GLS: variants seen among roughly 807,000 people sequenced by gnomAD.
The protein encoded by GLS is glutaminase.
In GLS, 36 loss-of-function variants were observed where a neutral mutation model predicts 86.7. The ratio of observed to expected loss-of-function variants is 0.42; its 90% CI spans 0.32 to 0.55. GLS has a LOEUF of 0.55. Ranked by LOEUF, GLS falls within the 20% of genes least tolerant of loss-of-function variation. The pLI is 0.17. For synonymous variants in GLS, 317 were observed against 305.9 expected (o/e 1.04, Z -0.38); for missense variants, 528 against 833.4 (o/e 0.63, Z 4.51).
chr2:190,901,823 C>T (rs1450844124), intron 4 of GLS, 124 bp from the exon 5 acceptor site: 4 of 658,076 alleles, frequency 6.1e-6, no homozygotes, highest in Non-Finnish European at 1.1e-5. Flanking sequence ...TATGAAGCCA[C>T]TGAGTGTTGT....
intron 1 of GLS, among the ~76,000 whole-genome samples, chr2:190,892,841 T>C (rs1688608989): frequency 1.3e-5 from 2 of 152,204 alleles, no homozygotes; most frequent in African/African-American, 4.8e-5. Context: ...CCCCTATAGA[T>C]AAAAATTAAT....
chr2:190,941,712 G>C (rs984655523), intron 14 of GLS, among the ~76,000 whole-genome samples: 1 of 99,120 alleles, frequency 1.0e-5, no homozygotes, highest in Non-Finnish European at 2.1e-5. Context: ...AAGGAGTTTA[G>C]CACATTTGAG....
rs1203882807 is a variant in GLS at position 190,956,082 on chromosome 2, C to G, written c.1853+1264C>G. Among the ~76,000 whole-genome samples the G allele has an allele frequency of 6.6e-6, 1 of 151,932 alleles. No homozygotes were observed. Among genetic ancestry groups the G allele is most frequent in the Non-Finnish European group, 1.5e-5 (1 of 67,976 alleles). On this transcript the variant is annotated intron_variant, in intron 17 of 17. Transcript: ENST00000320717. This position sits in a 1 kb window ranked among gnomAD's most constrained non-coding sequence, Gnocchi z 4.2. ...CCCATTCTGTAGGTTGCCTGTTCGCCCTGATGATAGTTTCTTTTGCTGTGC... is the reference window on the plus strand; with the variant it reads ...CCCATTCTGTAGGTTGCCTGTTCGCGCTGATGATAGTTTCTTTTGCTGTGC...
chr2:190,931,451 G>T, intron 13 of GLS, 94 bp from the exon 14 acceptor site: 1 of 549,716 alleles, frequency 1.8e-6, no homozygotes, highest in Non-Finnish European at 3.3e-6. Flanking sequence ...ATGATTTCTA[G>T]GCTGGACGAT....
intron 14 of GLS, among the ~76,000 whole-genome samples, chr2:190,952,298 AAATAGT>A (rs1690736112): frequency 1.3e-5 from 2 of 152,214 alleles, no homozygotes; most frequent in Admixed American, 6.5e-5. Flanking sequence ...GTATCAACAC[AAATAGT>A]AATAGTAGTA....
rs1164458452 is a variant in GLS at position 190,935,233 on chromosome 2, C to CT, written c.1650+3599dup. On this transcript the variant is annotated intron_variant, in intron 14 of 17. Transcript: ENST00000320717. This position sits in a 1 kb window ranked among gnomAD's most constrained non-coding sequence, Gnocchi z 4.2. ...TTGCTTTGTATATTTAATAATGTAC[C>CT]TTTATTTTCCAGTATGCCTACATTT... is the stretch of plus-strand genomic sequence containing the variant. 1 of 788,982 alleles carries CT rather than the reference C, an allele frequency of 1.3e-6. No homozygotes were observed. The highest frequency in any genetic ancestry group is 1.9e-5 in the African/African-American group (1 of 53,266). The allele number at this position is 788,982 out of a possible 1,614,324, so 48.9% of individuals were successfully genotyped here.
intron 14 of GLS, among the ~76,000 whole-genome samples, chr2:190,936,548 ATACTT>A (rs1690276768): frequency 2.0e-5 from 3 of 151,182 alleles, no homozygotes; most frequent in Admixed American, 1.3e-4. Flanking sequence ...AAAGTATAAC[ATACTT>A]TACTTCTTCA....
chr2:190,929,854 A>ATTT (rs1010498110), intron 12 of GLS, among the ~76,000 whole-genome samples: 1 of 142,264 alleles, frequency 7.0e-6, no homozygotes, highest in East Asian at 2.1e-4. Flanking sequence ...ATATATATAT[A>ATTT]TTTTTTTTTT....
intron 14 of GLS, chr2:190,932,833 A>G (rs1690152008): frequency 1.3e-6 from 2 of 1,568,044 alleles, no homozygotes; most frequent in Non-Finnish European, 1.7e-6. Context: ...TGTAGTATAT[A>G]GAATGGAAAG....
Position 190,953,520 on chromosome 2 carries a change from TG to T in GLS, c.1651-44del. 2 of 1,243,980 alleles carry T rather than the reference TG, an allele frequency of 1.6e-6. No homozygotes were observed. Among genetic ancestry groups the T allele is most frequent in the Non-Finnish European group, 2.4e-6 (2 of 849,666 alleles). The allele number at this position is 1,243,980 out of a possible 1,614,324, so 77.1% of individuals were successfully genotyped here. ...GCCAGTGACAGGTGGACGTTGTATG[TG>T]TTTTCTCTCTCCTAAGGATGCCTAA... On this transcript the variant is annotated intron_variant, in intron 14 of 17. Coordinates refer to ENST00000320717, the MANE Select transcript of GLS (RefSeq NM_014905.5). The surrounding 1 kb of genome is among the most constrained non-coding windows in gnomAD (Gnocchi z 4.0).
intron 1 of GLS, among the ~76,000 whole-genome samples, chr2:190,884,718 T>G (rs1387857316): frequency 6.6e-6 from 1 of 152,174 alleles, no homozygotes; most frequent in Non-Finnish European, 1.5e-5. Flanking sequence ...TAACAGAAAT[T>G]GGGCTGGAAA....
chr2:190,959,991 A>G (rs1690960861), intron 17 of GLS, among the ~76,000 whole-genome samples: 1 of 152,172 alleles, frequency 6.6e-6, no homozygotes, highest in Non-Finnish European at 1.5e-5. Context: ...TTCTATCTAT[A>G]GTGGGAAAAA....
chr2:190,889,468 C>T (rs1460373828), intron 1 of GLS, among the ~76,000 whole-genome samples: 1 of 152,126 alleles, frequency 6.6e-6, no homozygotes, highest in African/African-American at 2.4e-5. Context: ...TTATGTGTGG[C>T]TGAAGTTTTT....
intron 9 of GLS, among the ~76,000 whole-genome samples, chr2:190,922,471 G>A (rs1285838136): frequency 6.6e-6 from 1 of 151,902 alleles, no homozygotes; most frequent in Non-Finnish European, 1.5e-5. Flanking sequence ...TCTTTTCTGT[G>A]CTCTTCTGTT....
rs536533095 is a variant in GLS, at chr2:190,889,724, T to G, written c.387-5428T>G. On this transcript the variant is annotated intron_variant, in intron 1 of 17. Transcript: ENST00000320717. Reference sequence around the variant, plus strand: ...CAGACTGCCTTTTGGGTCAAACTTCTGAAGTTGTGCAAACGTATGGACAAA... The same window carrying G: ...CAGACTGCCTTTTGGGTCAAACTTCGGAAGTTGTGCAAACGTATGGACAAA... Among the ~76,000 whole-genome samples, 8 of 152,264 alleles carry G rather than the reference T, an allele frequency of 5.3e-5. No individual in the cohort carries two copies. The South Asian group carries it at 1.7e-3, about 32-fold the overall frequency.
chr2:190,954,707 CT>C lies in GLS; in HGVS notation c.1790-47del. The C allele has an allele frequency of 6.2e-7, 1 of 1,609,204 alleles. No homozygotes were observed. Among genetic ancestry groups the C allele is most frequent in the Non-Finnish European group, 8.5e-7 (1 of 1,175,618 alleles). ...TCTATTTTCTTTCCAGATTTAATTTCTACTTAGTACTAAAATCTGCTCTTTT... is the reference window on the plus strand; with the variant it reads ...TCTATTTTCTTTCCAGATTTAATTTCACTTAGTACTAAAATCTGCTCTTTT... On this transcript the variant is annotated intron_variant, in intron 16 of 17. Coordinates refer to ENST00000320717, the MANE Select transcript of GLS (RefSeq NM_014905.5). The surrounding 1 kb of genome is among the most constrained non-coding windows in gnomAD (Gnocchi z 4.0).
In GLS at chr2:190,935,294, A is replaced by T; in HGVS notation, c.1650+3657A>T. ...AATAAATTTATTTTAAGCTGATTTT[A>T]TTGTTTTTTTTGTTTTGTTTTGTTT... On this transcript the variant is annotated intron_variant, in intron 14 of 17. Transcript: ENST00000320717. The surrounding 1 kb of genome is among the most constrained non-coding windows in gnomAD (Gnocchi z 4.2). 1.9e-6 allele frequency: 1 copy of T among 520,180 alleles called. No homozygotes were observed. Among genetic ancestry groups the T allele is most frequent in the Non-Finnish European group, 2.5e-6 (1 of 405,260 alleles). 32.2% of individuals were successfully genotyped at this position (520,180 alleles called of 1,614,324 possible).
In GLS at chr2:190,895,261, A is replaced by G. The variant is rs1688691421; in HGVS notation, c.483+13A>G. ...TAAATTTATTACAGTAAGTTTTTATATTTTTCTATCTTAACTTAAAAAAAT... is the reference window on the plus strand; with the variant it reads ...TAAATTTATTACAGTAAGTTTTTATGTTTTTCTATCTTAACTTAAAAAAAT... On this transcript the variant is annotated intron_variant, in intron 2 of 17. Transcript: ENST00000320717. The surrounding 1 kb of genome is among the most constrained non-coding windows in gnomAD (Gnocchi z 4.2). 2.9e-6 allele frequency: 3 copies of G among 1,023,406 alleles called. No homozygotes were observed. The highest frequency in any genetic ancestry group is 4.6e-6 in the Non-Finnish European group (3 of 655,540). 63.4% of individuals were successfully genotyped at this position (1,023,406 alleles called of 1,614,324 possible).
At position 190,963,771 on chromosome 2, in the gene GLS, C is replaced by G. The variant is rs1323754188; in HGVS notation, c.*785C>G. The G allele has an allele frequency of 6.6e-6, 1 of 152,400 alleles. No individual in the cohort carries two copies. Among genetic ancestry groups the G allele is most frequent in the Non-Finnish European group, 1.5e-5 (1 of 68,030 alleles). 9.4% of individuals were successfully genotyped at this position (152,400 alleles called of 1,614,324 possible). A position where few individuals can be genotyped will look rare whatever the true frequency, so the allele number is the denominator to read the frequency against. ...TTTTCCATAGTAAGTCAGAAAATGCCTCCTATTTCTGGCATCAGAACTTTG... is the reference window on the plus strand; with the variant it reads ...TTTTCCATAGTAAGTCAGAAAATGCGTCCTATTTCTGGCATCAGAACTTTG... On this transcript the variant is annotated 3_prime_UTR_variant, in exon 18 of 18. Coordinates refer to ENST00000320717, the MANE Select transcript of GLS (RefSeq NM_014905.5).
Sources: allele counts gnomAD v4.1 joint callset (sites outside exome capture counted in the v4.1 genomes callset), GRCh38; gene constraint gnomAD v4.1.1; non-coding constraint Gnocchi (gnomAD v3.1); transcripts MANE v1.5; gene names NCBI Gene and HGNC (gene_info 2026-07-23, HGNC 2026-07-21).